The following GHR variants were observed in gnomAD, a reference collection of about 807,000 sequenced individuals.
GHR encodes the protein GH receptor.
In GHR, 35 loss-of-function variants were observed where a neutral mutation model predicts 67.1. That is an observed-to-expected ratio of 0.52 (90% CI 0.40 to 0.69). The LOEUF (loss-of-function observed/expected upper bound fraction) is 0.69. Ranked by LOEUF, GHR falls within the 30% of genes least tolerant of loss-of-function variation. The pLI is 0.00. For missense variants in GHR, 792 were observed against 764.6 expected, an observed-to-expected ratio of 1.04 and a Z score of -0.42; for synonymous variants, 272 against 269.1, an observed-to-expected ratio of 1.01 and a Z score of -0.10.
chr5:42,430,954 A>C (rs1743067729), intron 1 of GHR, among the ~76,000 whole-genome samples: 1 of 152,150 alleles, frequency 6.6e-6, no homozygotes, highest in Non-Finnish European at 1.5e-5. Flanking sequence ...GGTCCTCTCC[A>C]AGCTCTGCCT....
At chr5:42,674,868 A>G (rs1040053169) in intron 3 of GHR, among the ~76,000 whole-genome samples, 1 of 152,142 alleles carries the variant, frequency 6.6e-6, no homozygotes, top group Admixed American at 6.5e-5. Flanking sequence ...TATACCTAGG[A>G]GCAGAATTGC....
intron 1 of GHR, among the ~76,000 whole-genome samples, chr5:42,444,513 T>C (rs945890555): frequency 1.3e-5 from 2 of 152,198 alleles, no homozygotes; most frequent in African/African-American, 4.8e-5. Context: ...CATCTCACCA[T>C]TGTTAAATTT....
At chr5:42,681,972 A>G (rs895700084) in intron 3 of GHR, among the ~76,000 whole-genome samples, 3 of 150,714 alleles carry the variant, frequency 2.0e-5, no homozygotes, top group African/African-American at 7.3e-5. Flanking sequence ...ATGCACACGT[A>G]CGTTTACTGC....
At chr5:42,538,878 A>AT (rs1388542780) in intron 1 of GHR, among the ~76,000 whole-genome samples, 3 of 151,414 alleles carry the variant, frequency 2.0e-5, no homozygotes, top group East Asian at 3.9e-4. Context: ...ATATTTTCTT[A>AT]TTTTTTTCTT....
At chr5:42,599,954 A>C (rs1001485442) in intron 2 of GHR, among the ~76,000 whole-genome samples, 1 of 152,200 alleles carries the variant, frequency 6.6e-6, no homozygotes, top group African/African-American at 2.4e-5. Context: ...GTCATGTTTA[A>C]AAGATTAAAT....
At chr5:42,461,436 C>T (rs991250108) in intron 1 of GHR, among the ~76,000 whole-genome samples, 1 of 152,188 alleles carries the variant, frequency 6.6e-6, no homozygotes, top group African/African-American at 2.4e-5. Flanking sequence ...TTGGCAGTGG[C>T]CACACTGATC....
intron 6 of GHR, among the ~76,000 whole-genome samples, chr5:42,707,333 T>G (rs115623124): frequency 0.012 from 1,755 of 152,072 alleles, 40 homozygotes; most frequent in African/African-American, 0.04. Context: ...TCTTTTAACC[T>G]TCATTCTAAA....
At chr5:42,486,862 AAG>A (rs1400409722) in intron 1 of GHR, among the ~76,000 whole-genome samples, 2 of 152,044 alleles carry the variant, frequency 1.3e-5, no homozygotes, top group Non-Finnish European at 2.9e-5. Context: ...AAAAAAAAAA[AAG>A]AAACCAAATT....
At chr5:42,614,496 C>T (rs1753042124) in intron 2 of GHR, among the ~76,000 whole-genome samples, 1 of 145,754 alleles carries the variant, frequency 6.9e-6, no homozygotes, top group African/African-American at 2.5e-5. Flanking sequence ...CCAGGGGATG[C>T]TGATGCTGCT....
chr5:42,530,349 C>T (rs920570468), intron 1 of GHR, among the ~76,000 whole-genome samples: 1 of 152,164 alleles, frequency 6.6e-6, no homozygotes, highest in Admixed American at 6.5e-5. Context: ...GATGAATACT[C>T]AGTCAAATTT....
At chr5:42,613,952 A>T (rs1285841783) in intron 2 of GHR, among the ~76,000 whole-genome samples, 1 of 152,074 alleles carries the variant, frequency 6.6e-6, no homozygotes, top group Admixed American at 6.6e-5. Flanking sequence ...AAGTCCATTG[A>T]CTGTTGAAAA....
Position 42,695,051 on chromosome 5 carries a change from G to A in GHR, c.401G>A (p.Gly134Asp), listed in dbSNP as rs577421663. The A allele has an allele frequency of 1.5e-5, 24 of 1,611,058 alleles. No individual in the cohort carries two copies. The African/African-American group carries it at 2.5e-4, about 17-fold the overall frequency. The change falls in exon 5 of 10, where the codon GGT becomes GAT. Residue 134 changes from glycine to aspartate, a missense_variant. By Grantham distance (94) the Gly-to-Asp change is moderately conservative. Coordinates refer to ENST00000230882, the MANE Select transcript of GHR (RefSeq NM_000163.5). ...TGTATCAAGCTAACTAGCAATGGTG[G>A]TACAGTGGATGAAAAGTGTTTCTCT... Reference protein sequence around the residue: ...PYCIKLTSNGGTVDEKCFSVD... With the variant: ...PYCIKLTSNGDTVDEKCFSVD...
intron 2 of GHR, among the ~76,000 whole-genome samples, chr5:42,624,591 G>A (rs1753608806): frequency 6.6e-6 from 1 of 152,154 alleles, no homozygotes; most frequent in Admixed American, 6.5e-5. Context: ...ATACATCCAT[G>A]AAATTATTAC....
intron 1 of GHR, among the ~76,000 whole-genome samples, chr5:42,429,892 T>C (rs927581443): frequency 6.6e-6 from 1 of 152,234 alleles, no homozygotes; most frequent in African/African-American, 2.4e-5. Flanking sequence ...CAGGCATTTA[T>C]TGAAGGCTTG....
At chr5:42,531,408 C>G (rs2112340829) in intron 1 of GHR, among the ~76,000 whole-genome samples, 1 of 152,064 alleles carries the variant, frequency 6.6e-6, no homozygotes, top group Non-Finnish European at 1.5e-5. Flanking sequence ...TGGATTTTCT[C>G]TACAATGATT....
At chr5:42,499,553 GA>G (rs1307317128) in intron 1 of GHR, among the ~76,000 whole-genome samples, 1 of 152,218 alleles carries the variant, frequency 6.6e-6, no homozygotes, top group Non-Finnish European at 1.5e-5. Context: ...GGCTACCCAT[GA>G]CAAAGTTGTT....
At chr5:42,565,976 T>C (rs1160012951) in intron 2 of GHR, 32 bp downstream of exon 2, 1 of 1,613,054 alleles carries the variant, frequency 6.2e-7, no homozygotes, top group African/African-American at 1.3e-5. Flanking sequence ...CCACCCTCAG[T>C]GTTTTGAAAC....
chr5:42,607,792 T>C (rs182000192), intron 2 of GHR, among the ~76,000 whole-genome samples: 69 of 152,262 alleles, frequency 4.5e-4, no homozygotes, highest in Non-Finnish European at 5.4e-4. Context: ...GGGCATGTAT[T>C]AACACGAGAA....
intron 2 of GHR, among the ~76,000 whole-genome samples, chr5:42,603,859 C>G (rs757555728): frequency 6.6e-6 from 1 of 152,130 alleles, no homozygotes; most frequent in Non-Finnish European, 1.5e-5. Context: ...GCTCAGTCCC[C>G]GAGACTGTCT....
Sources: gnomAD v4.1 joint callset for allele counts (sites outside exome capture counted in the v4.1 genomes callset) on GRCh38, gnomAD v4.1.1 for gene constraint, MANE v1.5 for transcripts, NCBI Gene and HGNC (gene_info 2026-07-23, HGNC 2026-07-21) for gene names.